Variants in USP3 observed in about 807,000 individuals in gnomAD.
The protein encoded by USP3 is ubiquitin specific peptidase 3, also known as ubiquitin carboxyl-terminal hydrolase 3.
Under a neutral mutation model 72.3 loss-of-function variants are expected in USP3, and 20 were observed. The ratio of observed to expected loss-of-function variants is 0.28; its 90% CI spans 0.19 to 0.40. The LOEUF is 0.40. USP3 is among the 10% of genes least tolerant of loss of function. The pLI is 1.00. For missense variants in USP3, 479 were observed against 633.9 expected, an observed-to-expected ratio of 0.76 and a Z score of 2.62; for synonymous variants, 222 against 225.3, an observed-to-expected ratio of 0.99 and a Z score of 0.13.
chr15:63,574,721 A>G lies in USP3; in HGVS notation c.1096+318A>G, dbSNP rs962467876. Reference sequence around the variant, plus strand: ...GTTATTCTGTGGTTATCCCACTAGCATCTATAGGAAGAAAGAATACTCAGC... The same window carrying G: ...GTTATTCTGTGGTTATCCCACTAGCGTCTATAGGAAGAAAGAATACTCAGC... On this transcript the variant is annotated intron_variant, in intron 11 of 14. Transcript: ENST00000380324. The surrounding 1 kb of genome is among the most constrained non-coding windows in gnomAD (Gnocchi z 4.6). 3.3e-5 allele frequency among the ~76,000 whole-genome samples: 5 copies of G among 152,244 alleles called. No individual in the cohort carries two copies. Among genetic ancestry groups the G allele is most frequent in the Non-Finnish European group, 7.3e-5 (5 of 68,038 alleles).
chr15:63,532,615 A>T, intron 1 of USP3, 32 bp from the exon 2 acceptor site: 4 of 1,611,370 alleles, frequency 2.5e-6, no homozygotes, highest in Non-Finnish European at 3.4e-6. Context: ...ACATGATGCA[A>T]TTGGTATATT....
At position 63,520,336 on chromosome 15, in the gene USP3, A is replaced by C. The variant is rs188240870; in HGVS notation, c.92-12311A>C. Among the ~76,000 whole-genome samples the C allele has an allele frequency of 9.2e-4, 140 of 152,264 alleles. 1 individual carries two copies. Among genetic ancestry groups the C allele is most frequent in the African/African-American group, 3.3e-3 (139 of 41,544 alleles). On this transcript the variant is annotated intron_variant, in intron 1 of 14. Coordinates refer to ENST00000380324, the MANE Select transcript of USP3 (RefSeq NM_006537.4). ...AGTGTGTACTCATTTGCACAATTCTATAATCAGAGAAAATAGTTCCAGAAT... is the reference window on the plus strand; with the variant it reads ...AGTGTGTACTCATTTGCACAATTCTCTAATCAGAGAAAATAGTTCCAGAAT...
chr15:63,507,305 C>G (rs986219741), intron 1 of USP3, among the ~76,000 whole-genome samples: 2 of 152,118 alleles, frequency 1.3e-5, no homozygotes, highest in Non-Finnish European at 2.9e-5. Context: ...TGCAAAATGC[C>G]ACAACATTCT....
At chr15:63,561,901 A>G (rs2066613787) in intron 7 of USP3, among the ~76,000 whole-genome samples, 1 of 152,218 alleles carries the variant, frequency 6.6e-6, no homozygotes, top group African/African-American at 2.4e-5. Context: ...CAGCTATGGA[A>G]GTTGAAGTTG....
In USP3 at chr15:63,594,422, C is replaced by T. The variant is rs1436727000; in HGVS notation, c.*3596C>T. ...CTCGTCAGTGGGTGCAGTGCCTTCC[C>T]CCTCAGGTGTGAGCGTGATGGACTC... On this transcript the variant is annotated 3_prime_UTR_variant, in exon 15 of 15. Coordinates refer to ENST00000380324, the MANE Select transcript of USP3 (RefSeq NM_006537.4). The T allele has an allele frequency of 6.6e-6, 1 of 152,186 alleles. No individual in the cohort carries two copies. Among genetic ancestry groups the T allele is most frequent in the Non-Finnish European group, 1.5e-5 (1 of 68,060 alleles). 9.4% of individuals were successfully genotyped at this position (152,186 alleles called of 1,614,324 possible). A position where few individuals can be genotyped will look rare whatever the true frequency, so the allele number is the denominator to read the frequency against.
At chr15:63,562,565 T>A (rs2066625097) in intron 7 of USP3, among the ~76,000 whole-genome samples, 1 of 152,222 alleles carries the variant, frequency 6.6e-6, no homozygotes, top group African/African-American at 2.4e-5. Flanking sequence ...GTTTTGCATT[T>A]TGAAAATGTA....
At chr15:63,546,148 G>C (rs2066324420) in intron 3 of USP3, among the ~76,000 whole-genome samples, 1 of 152,042 alleles carries the variant, frequency 6.6e-6, no homozygotes, top group Admixed American at 6.5e-5. Context: ...TGAAGATGCT[G>C]AGCCTGGACC....
At chr15:63,546,379 A>G (rs900958664) in intron 3 of USP3, among the ~76,000 whole-genome samples, 26 of 151,866 alleles carry the variant, frequency 1.7e-4, no homozygotes, top group Non-Finnish European at 1.2e-4. Flanking sequence ...GCTTCAGAGG[A>G]CCAATCTACA....
intron 1 of USP3, among the ~76,000 whole-genome samples, chr15:63,505,196 C>T (rs1035440356): frequency 6.6e-6 from 1 of 151,924 alleles, no homozygotes; most frequent in Non-Finnish European, 1.5e-5. Flanking sequence ...GCCTGTGGGG[C>T]GGGTGTCCGG....
intron 1 of USP3, among the ~76,000 whole-genome samples, chr15:63,516,531 T>C (rs1186485009): frequency 6.6e-6 from 1 of 152,188 alleles, no homozygotes; most frequent in East Asian, 1.9e-4. Context: ...TTTGCAAGTC[T>C]GACATTTTTA....
rs548477706 is a variant in USP3, at chr15:63,594,190, T to C, written c.*3364T>C. On this transcript the variant is annotated 3_prime_UTR_variant, in exon 15 of 15. Transcript: ENST00000380324. ...ACATAAGTCTATTTAGATACACTTA[T>C]CCCACTTTAATCTCCACCAGCCCCT... is the stretch of plus-strand genomic sequence containing the variant. 5.3e-5 allele frequency: 8 copies of C among 152,370 alleles called. No homozygotes were observed. In the East Asian group the frequency reaches 7.7e-4, roughly 15 times the overall value. 9.4% of individuals were successfully genotyped at this position (152,370 alleles called of 1,614,324 possible). A position where few individuals can be genotyped will look rare whatever the true frequency, so the allele number is the denominator to read the frequency against.
At chr15:63,517,254 C>G (rs1323301020) in intron 1 of USP3, among the ~76,000 whole-genome samples, 1 of 151,860 alleles carries the variant, frequency 6.6e-6, no homozygotes, top group African/African-American at 2.4e-5. Context: ...GAATTTTGAT[C>G]ATTGTATTTA....
rs1487919555 is a variant in USP3, at chr15:63,570,659, G to A, written c.908+80G>A. 1.5e-5 allele frequency: 23 copies of A among 1,526,308 alleles called. No individual in the cohort carries two copies. Among genetic ancestry groups the A allele is most frequent in the East Asian group, 6.8e-5 (3 of 44,000 alleles). The allele number at this position is 1,526,308 out of a possible 1,614,324, so 94.5% of individuals were successfully genotyped here. A position where few individuals can be genotyped will look rare whatever the true frequency, so the allele number is the denominator to read the frequency against. On this transcript the variant is annotated intron_variant, in intron 9 of 14. Transcript: ENST00000380324. The surrounding 1 kb of genome is among the most constrained non-coding windows in gnomAD (Gnocchi z 4.4). ...GTTAATTATGTGTTAGATTTATAAC[G>A]GAAGGTAGAGGGGTTTCTTGGACAT...
chr15:63,545,582 T>C lies in USP3; in HGVS notation c.285-8133T>C, dbSNP rs537565893. Among the ~76,000 whole-genome samples, 12 of 152,230 alleles carry C rather than the reference T, an allele frequency of 7.9e-5. No individual in the cohort carries two copies. The South Asian group carries it at 2.3e-3, about 29-fold the overall frequency. ...TAGTACAATTTTCAAGTATTTTGTT[T>C]TTTTTTAATGTTCAGTGTACTTACT... On this transcript the variant is annotated intron_variant, in intron 3 of 14. Coordinates refer to ENST00000380324, the MANE Select transcript of USP3 (RefSeq NM_006537.4).
Position 63,589,028 on chromosome 15 carries a change from G to A in USP3, c.1397+17G>A. The A allele has an allele frequency of 6.2e-7, 1 of 1,612,724 alleles. No homozygotes were observed. Among genetic ancestry groups the A allele is most frequent in the South Asian group, 1.1e-5 (1 of 91,010 alleles). ...TGGTTCCGGGTGAGTACAACAGCCA[G>A]CTTCTGGTGGGTGGGAATACCTGGT... is the stretch of plus-strand genomic sequence containing the variant. On this transcript the variant is annotated intron_variant, in intron 14 of 14. Transcript: ENST00000380324.
Position 63,588,843 on chromosome 15 carries a change from G to A in USP3, c.1329+28G>A, listed in dbSNP as rs766956400. On this transcript the variant is annotated intron_variant, in intron 13 of 14. Coordinates refer to ENST00000380324, the MANE Select transcript of USP3 (RefSeq NM_006537.4). This position sits in a 1 kb window ranked among gnomAD's most constrained non-coding sequence, Gnocchi z 4.6. ...AAGGTGGTTACCTTTTTAGCATGGT[G>A]AAAAAATGGCTCTTCAGTAAGATTG... The A allele has an allele frequency of 1.2e-6, 2 of 1,610,888 alleles. No homozygotes were observed. The highest frequency in any genetic ancestry group is 1.1e-5 in the South Asian group (1 of 90,876).
At chr15:63,560,946 T>C (rs2066599002) in intron 7 of USP3, among the ~76,000 whole-genome samples, 1 of 152,194 alleles carries the variant, frequency 6.6e-6, no homozygotes, top group African/African-American at 2.4e-5. Flanking sequence ...TCAGACACTT[T>C]CCTGCCTTGG....
intron 1 of USP3, among the ~76,000 whole-genome samples, chr15:63,524,263 C>G (rs1285271848): frequency 6.6e-6 from 1 of 152,186 alleles, no homozygotes; most frequent in Admixed American, 6.5e-5. Flanking sequence ...GTAGTATAGT[C>G]ATTGGATAGC....
intron 11 of USP3, among the ~76,000 whole-genome samples, chr15:63,583,679 C>G (rs1422906429): frequency 1.3e-5 from 2 of 152,102 alleles, no homozygotes; most frequent in Non-Finnish European, 1.5e-5. Flanking sequence ...TTATTGTATC[C>G]TCTATGAATT....
Sources: allele counts gnomAD v4.1 joint callset (sites outside exome capture counted in the v4.1 genomes callset), GRCh38; gene constraint gnomAD v4.1.1; non-coding constraint Gnocchi (gnomAD v3.1); transcripts MANE v1.5; gene names NCBI Gene and HGNC (gene_info 2026-07-23, HGNC 2026-07-21).